Variants in DCAF6 observed in about 807,000 individuals in gnomAD.
DCAF6 encodes the protein DDB1- and CUL4-associated factor 6.
DCAF6 carries 54 observed loss-of-function variants against 125.1 expected under a neutral mutation model. The ratio of observed to expected loss-of-function variants is 0.43; its 90% CI spans 0.35 to 0.54. The LOEUF (loss-of-function observed/expected upper bound fraction) is 0.54, where lower values mean the gene tolerates loss of function less well. DCAF6 is among the 20% of genes least tolerant of loss of function. DCAF6 has a pLI of 0.01. For missense variants in DCAF6, 934 were observed against 1,161.7 expected (o/e 0.80, Z 2.85); for synonymous variants, 371 against 390.4 (o/e 0.95, Z 0.58).
Position 168,038,441 on chromosome 1 carries a change from A to G in DCAF6, c.1680A>G (p.Thr560=), listed in dbSNP as rs559853033. 74 of 1,611,274 alleles carry G rather than the reference A, an allele frequency of 4.6e-5. No individual in the cohort carries two copies. The South Asian group carries it at 7.6e-4, about 17-fold the overall frequency. ...GEPVLSLHYS[T]EGTTTSTIKL... ...CAGTTTTAAGTTTGCACTACAGCAC[A>G]GAAGGAACAACTACAAGCACAATAA... The change falls in exon 13 of 22, where the codon ACA becomes ACG. Residue 560 remains threonine, a synonymous_variant. Transcript: ENST00000367840.
At chr1:167,918,244 C>T in the DCAF6 span, 2 of 1,190,226 alleles carry the variant, frequency 1.7e-6, no homozygotes, top group Middle Eastern at 2.0e-4. Context: ...GTTAGCTTTG[C>T]TTTATCAATA....
upstream of DCAF6, among the ~76,000 whole-genome samples, chr1:167,934,427 A>G (rs1671002707): frequency 6.6e-6 from 1 of 152,212 alleles, no homozygotes; most frequent in Non-Finnish European, 1.5e-5. Context: ...GCCACAAAAC[A>G]CAGCATAATT....
At chr1:168,048,042 A>C (rs912187662) in intron 16 of DCAF6, among the ~76,000 whole-genome samples, 8 of 152,180 alleles carry the variant, frequency 5.3e-5, no homozygotes, top group Non-Finnish European at 1.2e-4. Context: ...GAGAAAGTTT[A>C]AGAGATTTTG....
At chr1:167,883,280 C>T in the DCAF6 span, among the ~76,000 whole-genome samples, 8 of 152,232 alleles carry the variant, frequency 5.3e-5, no homozygotes, top group Admixed American at 3.9e-4. Flanking sequence ...TCAAGTGATC[C>T]GCCCACCTCT....
upstream of DCAF6, chr1:167,935,810 G>A: frequency 6.4e-7 from 1 of 1,556,054 alleles, no homozygotes; most frequent in South Asian, 1.2e-5. Context: ...GTGGTAGGTG[G>A]CCCGCAGGCC....
At chr1:167,878,784 T>C in the DCAF6 span, 7 of 801,622 alleles carry the variant, frequency 8.7e-6, no homozygotes, top group Non-Finnish European at 1.4e-5. Flanking sequence ...AAGACCCATA[T>C]TCAGCCAATG....
chr1:167,901,499 G>A, the DCAF6 span, among the ~76,000 whole-genome samples: 1 of 152,122 alleles, frequency 6.6e-6, no homozygotes, highest in South Asian at 2.1e-4. Flanking sequence ...ACTGGTATGT[G>A]AGGAAGCCAA....
At chr1:168,015,989 TTGTTTTTTAATACTGCTAC>T (rs1341857159) in intron 11 of DCAF6, 38 bp downstream of exon 11, 5 of 1,403,506 alleles carry the variant, frequency 3.6e-6, no homozygotes, top group Non-Finnish European at 4.7e-6. Context: ...GCTGATAGAA[TTGTTTTTTAATACTGCTAC>T]TGTGTAATAA....
At chr1:168,074,653 G>A (rs1375081214) in intron 21 of DCAF6, among the ~76,000 whole-genome samples, 1 of 152,262 alleles carries the variant, frequency 6.6e-6, no homozygotes, top group African/African-American at 2.4e-5. Flanking sequence ...ATTCTAGAAT[G>A]TGGAGGAGGG....
At chr1:167,986,255 C>T (rs1047157308) in intron 4 of DCAF6, among the ~76,000 whole-genome samples, 1 of 152,134 alleles carries the variant, frequency 6.6e-6, no homozygotes, top group Non-Finnish European at 1.5e-5. Context: ...AGCATATGAT[C>T]AGCTTTAATA....
At chr1:167,930,304 T>C in the DCAF6 span, among the ~76,000 whole-genome samples, 3 of 152,176 alleles carry the variant, frequency 2.0e-5, no homozygotes, top group Admixed American at 1.3e-4. Context: ...GTAGGGATGA[T>C]ACGTTTTAAA....
At chr1:168,072,259 T>A (rs545867315) in intron 21 of DCAF6, among the ~76,000 whole-genome samples, 67 of 116,286 alleles carry the variant, frequency 5.8e-4, no homozygotes, top group African/African-American at 2.1e-3. Flanking sequence ...ATCGCACCAC[T>A]GCACTCCAGC....
intron 2 of DCAF6, 144 bp from the exon 3 acceptor site, chr1:167,966,485 A>AT: frequency 1.7e-6 from 1 of 585,756 alleles, no homozygotes; most frequent in Non-Finnish European, 3.0e-6. Flanking sequence ...AAGGGAAGCC[A>AT]TAAGATTGGA....
the DCAF6 span, chr1:167,901,809 C>G: frequency 2.5e-6 from 4 of 1,614,082 alleles, no homozygotes; most frequent in East Asian, 6.7e-5. Context: ...GCATCACCTT[C>G]AGAGAGAGAC....
chr1:167,875,118 G>A, the DCAF6 span: 1 of 1,612,368 alleles, frequency 6.2e-7, no homozygotes, highest in African/African-American at 1.3e-5. Flanking sequence ...TAAAATCAAG[G>A]CCTACTACCT....
intron 17 of DCAF6, among the ~76,000 whole-genome samples, chr1:168,057,090 G>GT (rs998884342): frequency 7.2e-5 from 11 of 151,974 alleles, no homozygotes; most frequent in Admixed American, 1.3e-4. Flanking sequence ...TGATTATGCT[G>GT]TTTTTTCCAC....
chr1:168,029,114 AT>A (rs1286945113), intron 12 of DCAF6, among the ~76,000 whole-genome samples: 2 of 152,090 alleles, frequency 1.3e-5, no homozygotes, highest in Non-Finnish European at 2.9e-5. Flanking sequence ...ACCCTATTTA[AT>A]TTTTTTGTTG....
chr1:168,029,662 G>A (rs141177213), intron 12 of DCAF6, among the ~76,000 whole-genome samples: 3 of 152,200 alleles, frequency 2.0e-5, no homozygotes, highest in African/African-American at 4.8e-5. Flanking sequence ...TTCAGATGAG[G>A]AAACTGAGGC....
the DCAF6 span, chr1:167,917,959 C>T: frequency 1.2e-5 from 2 of 165,484 alleles, no homozygotes. Flanking sequence ...AGCTAGCTAC[C>T]TGACCATCCT....
Sources: gnomAD v4.1 joint callset for allele counts (sites outside exome capture counted in the v4.1 genomes callset) on GRCh38, gnomAD v4.1.1 for gene constraint, MANE v1.5 for transcripts, NCBI Gene and HGNC (gene_info 2026-07-23, HGNC 2026-07-21) for gene names.